Variants in FBXO38 observed in about 807,000 individuals in gnomAD.
FBXO38 encodes F-box protein 38.
A neutral mutation model predicts 131.9 loss-of-function variants in FBXO38; 53 were observed. The observed-to-expected ratio is 0.40, with a 90% CI of 0.32 to 0.51. FBXO38 has a LOEUF of 0.51. Among genes scored for constraint, FBXO38 ranks in the 20% least tolerant of loss-of-function variants. The pLI is 0.53. For synonymous variants in FBXO38, 452 were observed against 505.6 expected, an observed-to-expected ratio of 0.89 and a Z score of 1.42; for missense variants, 1,076 against 1,475.6, an observed-to-expected ratio of 0.73 and a Z score of 4.44.
chr5:148,436,394 C>G (rs1478405848), intron 17 of FBXO38, among the ~76,000 whole-genome samples: 1 of 152,122 alleles, frequency 6.6e-6, no homozygotes, highest in African/African-American at 2.4e-5. Context: ...CTTAAAAATT[C>G]AAAACTTTCT....
intron 15 of FBXO38, 125 bp downstream of exon 15, chr5:148,428,072 GT>G (rs1753826433): frequency 9.1e-7 from 1 of 1,102,840 alleles, no homozygotes; most frequent in African/African-American, 1.6e-5. Context: ...GGTTTTGTGG[GT>G]CATGTGAATT....
rs964987964 is a variant in FBXO38 at position 148,442,544 on chromosome 5, T to C, written c.*397T>C. Reference sequence around the variant, plus strand: ...TTCTTCTTGAGCGAAGCTGTTTGAGTAAACCTGTTGAAGAGTGTTTGTGTC... The same window carrying C: ...TTCTTCTTGAGCGAAGCTGTTTGAGCAAACCTGTTGAAGAGTGTTTGTGTC... On this transcript the variant is annotated 3_prime_UTR_variant, in exon 22 of 22. Coordinates refer to ENST00000340253, the MANE Select transcript of FBXO38 (RefSeq NM_205836.3). 1 of 156,784 alleles carries C rather than the reference T, an allele frequency of 6.4e-6. No homozygotes were observed. The highest frequency in any genetic ancestry group is 2.4e-5 in the African/African-American group (1 of 41,518). The allele number at this position is 156,784 out of a possible 1,614,324, so 9.7% of individuals were successfully genotyped here.
intron 15 of FBXO38, chr5:148,430,163 T>TTA (rs1561542153): frequency 4.8e-5 from 7 of 146,008 alleles, no homozygotes; most frequent in South Asian, 2.1e-4. Context: ...TTATTATTTT[T>TTA]TTTTTTTTTG....
chr5:148,424,153 A>C (rs747282229), intron 13 of FBXO38, 36 bp downstream of exon 13: 9 of 1,590,296 alleles, frequency 5.7e-6, no homozygotes, highest in South Asian at 2.3e-5. Flanking sequence ...CATCATTCTG[A>C]AACTACGGCC....
At chr5:148,406,473 G>A in intron 7 of FBXO38, 79 bp downstream of exon 7, 1 of 1,203,360 alleles carries the variant, frequency 8.3e-7, no homozygotes, top group Non-Finnish European at 1.1e-6. Flanking sequence ...TAACTTCCCT[G>A]GCAAGTCTTT....
At chr5:148,406,514 C>T in intron 7 of FBXO38, 120 bp downstream of exon 7, 1 of 766,692 alleles carries the variant, frequency 1.3e-6, no homozygotes, top group Non-Finnish European at 2.0e-6. Flanking sequence ...TAACTGCTTT[C>T]TTTGTTGTAT....
At chr5:148,417,589 A>G (rs1753135129) in intron 12 of FBXO38, among the ~76,000 whole-genome samples, 2 of 152,332 alleles carry the variant, frequency 1.3e-5, no homozygotes, top group South Asian at 2.1e-4. Flanking sequence ...GAACTGAAAG[A>G]TTAATACCAA....
intron 15 of FBXO38, 116 bp downstream of exon 15, chr5:148,428,063 G>A: frequency 1.7e-6 from 2 of 1,160,668 alleles, no homozygotes; most frequent in South Asian, 2.5e-5. Context: ...CTATTTTGGG[G>A]TTTTGTGGGT....
At chr5:148,418,618 T>C (rs1753208704) in intron 12 of FBXO38, among the ~76,000 whole-genome samples, 1 of 152,200 alleles carries the variant, frequency 6.6e-6, no homozygotes, top group African/African-American at 2.4e-5. Context: ...TTTGTTGTCC[T>C]GAGTGCTATG....
rs539316372 is a variant in FBXO38, at chr5:148,421,581, C to G, written c.1619-2417C>G. Among the ~76,000 whole-genome samples, 474 of 151,892 alleles carry G rather than the reference C, an allele frequency of 3.1e-3. 4 individuals carry two copies. Among genetic ancestry groups the G allele is most frequent in the Middle Eastern group, 0.021 (6 of 292 alleles). On this transcript the variant is annotated intron_variant, in intron 12 of 21. Coordinates refer to ENST00000340253, the MANE Select transcript of FBXO38 (RefSeq NM_205836.3). ...GAAATAACATTTCAGCTAAACAAAA[C>G]ATTTGGTGAATATTGATATTTGATT...
rs1278016106 is a variant in FBXO38 at position 148,395,519 on chromosome 5, C to T, written c.128+615C>T. 4.0e-5 allele frequency among the ~76,000 whole-genome samples: 6 copies of T among 151,312 alleles called. No individual in the cohort carries two copies. The East Asian group carries it at 1.2e-3, about 29-fold the overall frequency. On this transcript the variant is annotated intron_variant, in intron 2 of 21. Coordinates refer to ENST00000340253, the MANE Select transcript of FBXO38 (RefSeq NM_205836.3). ...AGCTGTCATTCTAGTTTCCACTGCT[C>T]TCTTCTTTCAATTATTGTCCTTATT... is the stretch of plus-strand genomic sequence containing the variant.
At chr5:148,391,003 A>G (rs1424445260) in intron 1 of FBXO38, among the ~76,000 whole-genome samples, 1 of 152,204 alleles carries the variant, frequency 6.6e-6, no homozygotes, top group Non-Finnish European at 1.5e-5. Flanking sequence ...CTAAAGTATA[A>G]CAACTGGTGG....
At chr5:148,438,569 T>C in intron 18 of FBXO38, 71 bp downstream of exon 18, 1 of 1,514,184 alleles carries the variant, frequency 6.6e-7, no homozygotes. Flanking sequence ...CTTGTTAGTC[T>C]TTAGCCTTTT....
chr5:148,438,587 G>T, intron 18 of FBXO38, 89 bp downstream of exon 18: 1 of 1,418,702 alleles, frequency 7.0e-7, no homozygotes. Flanking sequence ...TTTGGATTTG[G>T]CATTCATTCA....
chr5:148,436,690 C>T (rs1754363881), intron 17 of FBXO38, among the ~76,000 whole-genome samples: 1 of 152,110 alleles, frequency 6.6e-6, no homozygotes, highest in Non-Finnish European at 1.5e-5. Flanking sequence ...CTGAGGAGAA[C>T]CCAAGAAAGG....
chr5:148,408,994 C>T (rs1752588257), intron 7 of FBXO38, 130 bp from the exon 8 acceptor site: 1 of 561,996 alleles, frequency 1.8e-6, no homozygotes, highest in Non-Finnish European at 3.2e-6. Context: ...AATTTCAATG[C>T]AAAAACAAAG....
intron 17 of FBXO38, chr5:148,434,354 A>G (rs1488092086): frequency 6.6e-6 from 1 of 152,182 alleles, no homozygotes; most frequent in Non-Finnish European, 1.5e-5. Flanking sequence ...GTGCTTTCTT[A>G]AAATTTAGGT....
intron 5 of FBXO38, among the ~76,000 whole-genome samples, chr5:148,403,075 T>C (rs998195295): frequency 1.3e-5 from 2 of 152,144 alleles, no homozygotes; most frequent in Non-Finnish European, 2.9e-5. Context: ...TAAAGATTTC[T>C]AGCAACCCTT....
rs189316401 is a variant in FBXO38 at position 148,442,266 on chromosome 5, T to G, written c.*119T>G. On this transcript the variant is annotated 3_prime_UTR_variant, in exon 22 of 22. Coordinates refer to ENST00000340253, the MANE Select transcript of FBXO38 (RefSeq NM_205836.3). ...GGAGGTCCTGGCTCGGTTTGCTATA[T>G]AGGGAATATATAAGGAACATCGAAA... 51 of 784,916 alleles carry G rather than the reference T, an allele frequency of 6.5e-5. No individual in the cohort carries two copies. Among genetic ancestry groups the G allele is most frequent in the Admixed American group, 2.0e-4 (8 of 40,180 alleles). 48.6% of individuals were successfully genotyped at this position (784,916 alleles called of 1,614,324 possible).
Sources: gnomAD v4.1 joint callset for allele counts (sites outside exome capture counted in the v4.1 genomes callset) on GRCh38, gnomAD v4.1.1 for gene constraint, MANE v1.5 for transcripts, NCBI Gene and HGNC (gene_info 2026-07-23, HGNC 2026-07-21) for gene names.